Variants in ENTHD1 observed in about 807,000 individuals in gnomAD.
The protein encoded by ENTHD1 is ENTH domain containing 1.
ENTHD1 carries 23 observed loss-of-function variants against 39.1 expected under a neutral mutation model. That is an observed-to-expected ratio of 0.59 (90% confidence interval 0.42 to 0.83). The LOEUF is 0.83. Among genes scored for constraint, ENTHD1 ranks in the 40% least tolerant of loss-of-function variants. ENTHD1 has a pLI of 0.00. For missense variants in ENTHD1, 624 were observed against 705.4 expected, an observed-to-expected ratio of 0.88 and a Z score of 1.31; for synonymous variants, 230 against 258.2, an observed-to-expected ratio of 0.89 and a Z score of 1.05.
chr22:39,744,853 A>AT (rs1185220862), intron 6 of ENTHD1, among the ~76,000 whole-genome samples: 5 of 152,138 alleles, frequency 3.3e-5, no homozygotes, highest in South Asian at 4.2e-4. Flanking sequence ...GTATATAATC[A>AT]TTTTTTTTCT....
At chr22:39,823,070 C>A (rs2065795642) in intron 4 of ENTHD1, among the ~76,000 whole-genome samples, 1 of 152,184 alleles carries the variant, frequency 6.6e-6, no homozygotes, top group Admixed American at 6.5e-5. Flanking sequence ...CTAATCTCTC[C>A]TTCATTTCTA....
chr22:39,864,972 A>G (rs1031019816), intron 2 of ENTHD1, among the ~76,000 whole-genome samples: 3 of 152,222 alleles, frequency 2.0e-5, no homozygotes, highest in Admixed American at 6.5e-5. Context: ...TCTTCTTGAC[A>G]TAGTGTAACT....
At chr22:39,836,954 C>A (rs2065911555) in intron 3 of ENTHD1, among the ~76,000 whole-genome samples, 1 of 152,190 alleles carries the variant, frequency 6.6e-6, no homozygotes, top group Admixed American at 6.5e-5. Flanking sequence ...AATTAAACCT[C>A]TTTTCTTTAT....
At chr22:39,881,915 G>A (rs1315945968) in intron 2 of ENTHD1, among the ~76,000 whole-genome samples, 1 of 152,178 alleles carries the variant, frequency 6.6e-6, no homozygotes, top group Admixed American at 6.5e-5. Flanking sequence ...AGAGAGCCAA[G>A]AAAGCCTTTT....
chr22:39,839,648 T>C (rs1194179141), intron 3 of ENTHD1, among the ~76,000 whole-genome samples: 2 of 152,238 alleles, frequency 1.3e-5, no homozygotes, highest in Admixed American at 6.5e-5. Context: ...GTAGCTAATA[T>C]TGGCAAAGAG....
chr22:39,831,645 T>C (rs1204561485), intron 4 of ENTHD1, among the ~76,000 whole-genome samples: 1 of 151,786 alleles, frequency 6.6e-6, no homozygotes, highest in African/African-American at 2.4e-5. Flanking sequence ...GCCAACATGG[T>C]GAAACCCCAT....
intron 5 of ENTHD1, among the ~76,000 whole-genome samples, chr22:39,785,531 G>C (rs778264404): frequency 3.3e-5 from 5 of 152,202 alleles, no homozygotes; most frequent in Non-Finnish European, 5.9e-5. Context: ...TCTGGCCATG[G>C]TTGTAGTCAC....
intron 5 of ENTHD1, among the ~76,000 whole-genome samples, chr22:39,785,565 CTT>C (rs1385565286): frequency 6.6e-6 from 1 of 152,196 alleles, no homozygotes; most frequent in Non-Finnish European, 1.5e-5. Context: ...GTTGCTGCCT[CTT>C]TGGCTAATGT....
intron 3 of ENTHD1, among the ~76,000 whole-genome samples, chr22:39,855,602 A>AG (rs2066078605): frequency 3.3e-5 from 5 of 151,864 alleles, no homozygotes; most frequent in African/African-American, 1.2e-4. Context: ...AAAAAAAAAA[A>AG]AGAAGAAAGA....
intron 3 of ENTHD1, among the ~76,000 whole-genome samples, chr22:39,837,209 C>T (rs1202938597): frequency 1.3e-5 from 2 of 152,066 alleles, no homozygotes; most frequent in African/African-American, 4.8e-5. Context: ...AGAAAAACTA[C>T]CTTCAAATTG....
At chr22:39,829,303 T>C (rs1411620414) in intron 4 of ENTHD1, among the ~76,000 whole-genome samples, 1 of 151,544 alleles carries the variant, frequency 6.6e-6, no homozygotes, top group Admixed American at 6.6e-5. Context: ...TGAAATAAGA[T>C]GTAATGTAGA....
chr22:39,834,885 C>T (rs182123632), intron 4 of ENTHD1, among the ~76,000 whole-genome samples: 33 of 152,300 alleles, frequency 2.2e-4, no homozygotes, highest in Non-Finnish European at 2.2e-4. Flanking sequence ...AGGCTGCATA[C>T]TGTCTCATTC....
intron 5 of ENTHD1, among the ~76,000 whole-genome samples, chr22:39,802,186 G>A (rs1024186726): frequency 2.6e-5 from 4 of 152,138 alleles, no homozygotes; most frequent in African/African-American, 9.7e-5. Context: ...GAGGGTCATG[G>A]CCAGCACTCC....
chr22:39,883,619 A>G (rs1189937811), intron 2 of ENTHD1, among the ~76,000 whole-genome samples: 1 of 152,130 alleles, frequency 6.6e-6, no homozygotes, highest in Admixed American at 6.6e-5. Flanking sequence ...AACTATTTGT[A>G]TATGACAGGA....
chr22:39,788,610 G>T (rs1885893144), intron 5 of ENTHD1, among the ~76,000 whole-genome samples: 1 of 152,178 alleles, frequency 6.6e-6, no homozygotes, highest in Non-Finnish European at 1.5e-5. Context: ...CACTGTCAGG[G>T]TTTGAGAGGA....
At chr22:39,800,621 A>G (rs1165457785) in intron 5 of ENTHD1, among the ~76,000 whole-genome samples, 1 of 152,056 alleles carries the variant, frequency 6.6e-6, no homozygotes, top group African/African-American at 2.4e-5. Flanking sequence ...TAGTTTTCTG[A>G]TTTGTTACTG....
chr22:39,767,599 T>A (rs1404059285), intron 5 of ENTHD1, among the ~76,000 whole-genome samples: 1 of 152,266 alleles, frequency 6.6e-6, no homozygotes, highest in Non-Finnish European at 1.5e-5. Flanking sequence ...AAGTGAATTT[T>A]AGTTAAATAT....
At chr22:39,767,658 T>A (rs2065287561) in intron 5 of ENTHD1, among the ~76,000 whole-genome samples, 1 of 152,198 alleles carries the variant, frequency 6.6e-6, no homozygotes, top group Non-Finnish European at 1.5e-5. Context: ...GACAAAAATG[T>A]TTTGCTCTAT....
At chr22:39,789,221 T>G (rs990712747) in intron 5 of ENTHD1, among the ~76,000 whole-genome samples, 1 of 152,214 alleles carries the variant, frequency 6.6e-6, no homozygotes, top group African/African-American at 2.4e-5. Flanking sequence ...CTGATTTCAA[T>G]ACCTTTGGAT....
Sources: gnomAD v4.1 joint callset for allele counts (sites outside exome capture counted in the v4.1 genomes callset) on GRCh38, gnomAD v4.1.1 for gene constraint, MANE v1.5 for transcripts, NCBI Gene and HGNC (gene_info 2026-07-23, HGNC 2026-07-21) for gene names.